Variants in TBXAS1 observed in about 807,000 individuals in gnomAD.
TBXAS1 encodes thromboxane-A synthase.
Under a neutral mutation model 60.7 loss-of-function variants are expected in TBXAS1, and 48 were observed. That is an observed-to-expected ratio of 0.79 (90% confidence interval 0.63 to 1.01). The LOEUF is 1.01. Ranked by LOEUF, TBXAS1 falls within the 50% of genes least tolerant of loss-of-function variation. The pLI, the probability that TBXAS1 is intolerant of heterozygous loss-of-function variation, is 0.00. For missense variants in TBXAS1, 685 were observed against 686.3 expected (o/e 1.00, Z 0.02); for synonymous variants, 287 against 269.7 (o/e 1.06, Z -0.63).
Position 139,905,015 on chromosome 7 carries a change from C to T in TBXAS1, c.237-6210C>T, listed in dbSNP as rs573419464. The stretch of plus-strand genomic sequence containing the variant: ...TCTTTCTCTCTTTCTCTCTTTCTTT[C>T]TTTCTTTCTTTCTTTCTTTCTTTCT... On this transcript the variant is annotated intron_variant, in intron 3 of 12. Transcript: ENST00000448866. Among the ~76,000 whole-genome samples the T allele has an allele frequency of 2.3e-3, 160 of 70,004 alleles. 2 individuals are homozygous for T. Among genetic ancestry groups the T allele is most frequent in the African/African-American group, 0.012 (147 of 12,366 alleles). 45.9% of individuals were successfully genotyped at this position (70,004 alleles called of 152,430 possible).
rs144069328 is a variant in TBXAS1 at position 139,968,761 on chromosome 7, A to G, written c.1134+6528A>G. Among the ~76,000 whole-genome samples, 640 of 152,334 alleles carry G rather than the reference A, an allele frequency of 4.2e-3. 1 individual carries two copies. Among genetic ancestry groups the G allele is most frequent in the Middle Eastern group, 0.014 (4 of 294 alleles). ...CTCAAGTCCCCCAATCTCTTGGAGAAGTCTCTCTTTTCCCATGTTGCCTTG... is the reference window on the plus strand; with the variant it reads ...CTCAAGTCCCCCAATCTCTTGGAGAGGTCTCTCTTTTCCCATGTTGCCTTG... On this transcript the variant is annotated intron_variant, in intron 9 of 12. Transcript: ENST00000448866.
chr7:139,893,878 T>A (rs6959682), intron 3 of TBXAS1, among the ~76,000 whole-genome samples: 66,992 of 152,074 alleles, frequency 0.44, 15,494 homozygotes, highest in African/African-American at 0.56. Context: ...GGGAGGTTTA[T>A]CATTACAGGT....
chr7:139,897,309 T>C (rs1029781748), intron 3 of TBXAS1, among the ~76,000 whole-genome samples: 2 of 128,028 alleles, frequency 1.6e-5, no homozygotes, highest in Non-Finnish European at 3.1e-5. Flanking sequence ...TCAGTCGGTA[T>C]GATCAGGATT....
At chr7:139,826,704 G>A (rs1168095352), upstream of TBXAS1, among the ~76,000 whole-genome samples, 1 of 152,124 alleles carries the variant, frequency 6.6e-6, no homozygotes, top group African/African-American at 2.4e-5. Flanking sequence ...GTGTGTATGA[G>A]GATTAAATGA....
Position 139,888,631 on chromosome 7 carries a change from G to A in TBXAS1, c.236+12994G>A, listed in dbSNP as rs75606724. ...ACTGAGTGTGTGCTCATTGGGAAAG[G>A]TTAGCTCACATTATACCTATCCAAA... On this transcript the variant is annotated intron_variant, in intron 3 of 12. Coordinates refer to ENST00000448866, the MANE Select transcript of TBXAS1 (RefSeq NM_001061.7). 4.3e-3 allele frequency among the ~76,000 whole-genome samples: 654 copies of A among 152,270 alleles called. 5 individuals carry two copies. Among genetic ancestry groups the A allele is most frequent in the African/African-American group, 0.015 (624 of 41,532 alleles).
chr7:139,844,906 CTCCCT>C, intron 1 of TBXAS1, among the ~76,000 whole-genome samples: 1 of 152,106 alleles, frequency 6.6e-6, no homozygotes, highest in South Asian at 2.1e-4. Context: ...GGGCCAGCCA[CTCCCT>C]CCTTGCTCAT....
intron 9 of TBXAS1, among the ~76,000 whole-genome samples, chr7:139,998,019 AC>A (rs1339310740): frequency 1.3e-5 from 2 of 152,340 alleles, no homozygotes; most frequent in East Asian, 1.9e-4. Flanking sequence ...GGGGCAGCTC[AC>A]CCAATGGAGC....
intron 3 of TBXAS1, 84 bp downstream of exon 3, chr7:139,875,721 T>C (rs1437371960): frequency 5.9e-6 from 9 of 1,513,724 alleles, no homozygotes; most frequent in Admixed American, 1.7e-5. Context: ...TGAACTGATA[T>C]AGAAGAAATG....
At chr7:139,809,226 A>AAATAGAT (rs1797956333) in intron 4 of TBXAS1, among the ~76,000 whole-genome samples, 1 of 112,224 alleles carries the variant, frequency 8.9e-6, no homozygotes. Context: ...ATAGATAGAT[A>AAATAGAT]GATAGATGAT....
intron 4 of TBXAS1, among the ~76,000 whole-genome samples, chr7:139,930,596 C>T (rs1049164683): frequency 3.3e-5 from 5 of 152,132 alleles, no homozygotes; most frequent in African/African-American, 1.2e-4. Context: ...AAATGCAACC[C>T]GAGCTTCCAG....
intron 4 of TBXAS1, among the ~76,000 whole-genome samples, chr7:139,791,803 GTTTTGTTT>G (rs1316488289): frequency 1.3e-5 from 1 of 76,012 alleles, no homozygotes. Context: ...TCTTTGGAAT[GTTTTGTTT>G]TTTTTTTTTT....
intron 9 of TBXAS1, among the ~76,000 whole-genome samples, chr7:139,982,077 A>G (rs1395314331): frequency 2.0e-5 from 3 of 152,228 alleles, no homozygotes; most frequent in Non-Finnish European, 4.4e-5. Context: ...TGAGTTACTT[A>G]GGGTTATTAG....
At chr7:140,015,154 TGAG>T (rs1814927977) in intron 10 of TBXAS1, among the ~76,000 whole-genome samples, 2 of 152,114 alleles carry the variant, frequency 1.3e-5, no homozygotes, top group African/African-American at 4.8e-5. Context: ...AGATGAAGAC[TGAG>T]GAGTATTCAT....
chr7:139,995,422 G>A (rs369913140), intron 9 of TBXAS1, among the ~76,000 whole-genome samples: 7 of 152,202 alleles, frequency 4.6e-5, no homozygotes, highest in African/African-American at 1.2e-4. Flanking sequence ...CCGCCTTCCC[G>A]TCACGTTTAT....
chr7:139,938,735 T>C, intron 5 of TBXAS1, among the ~76,000 whole-genome samples: 1 of 152,122 alleles, frequency 6.6e-6, no homozygotes, highest in African/African-American at 2.4e-5. Context: ...AGCAATGGCT[T>C]CATGGCACTA....
intron 3 of TBXAS1, among the ~76,000 whole-genome samples, chr7:139,894,127 C>T (rs1320430718): frequency 6.6e-6 from 1 of 152,200 alleles, no homozygotes. Flanking sequence ...ACAGCTTGAC[C>T]CTGCCTCTCC....
chr7:139,912,290 G>A (rs781356505), intron 4 of TBXAS1, among the ~76,000 whole-genome samples: 3 of 152,184 alleles, frequency 2.0e-5, no homozygotes, highest in Middle Eastern at 3.4e-3. Context: ...TGAAAAAATG[G>A]CAGATATCAG....
intron 3 of TBXAS1, among the ~76,000 whole-genome samples, chr7:139,892,160 A>G (rs1016296660): frequency 6.6e-5 from 10 of 152,212 alleles, no homozygotes; most frequent in African/African-American, 2.4e-4. Flanking sequence ...GATACCTCCC[A>G]TAACCTCATT....
In TBXAS1 at chr7:139,885,387, A is replaced by AAGT. The variant is rs571200939; in HGVS notation, c.236+9751_236+9753dup. ...ATTGAAGCGTACCTGCAACAAATCCAAGTTGTTCAACCCAAAATGCATAAT... is the reference window on the plus strand; with the variant it reads ...ATTGAAGCGTACCTGCAACAAATCCAAGTAGTTGTTCAACCCAAAATGCATAAT... On this transcript the variant is annotated intron_variant, in intron 3 of 12. Coordinates refer to ENST00000448866, the MANE Select transcript of TBXAS1 (RefSeq NM_001061.7). Among the ~76,000 whole-genome samples, 632 of 152,352 alleles carry AAGT rather than the reference A, an allele frequency of 4.1e-3. 2 individuals are homozygous for AAGT. The highest frequency in any genetic ancestry group is 0.012 in the African/African-American group (503 of 41,590).
Sources: allele counts gnomAD v4.1 joint callset (sites outside exome capture counted in the v4.1 genomes callset), GRCh38; gene constraint gnomAD v4.1.1; transcripts MANE v1.5; gene names NCBI Gene and HGNC (gene_info 2026-07-23, HGNC 2026-07-21).